The following CADPS2 variants were observed in gnomAD, a reference collection of about 807,000 sequenced individuals.
CADPS2 encodes calcium-dependent secretion activator 2.
Under a neutral mutation model 172.5 loss-of-function variants are expected in CADPS2, and 93 were observed. The observed-to-expected ratio is 0.54, with a 90% CI of 0.46 to 0.64. The LOEUF is 0.64. Ranked by LOEUF, CADPS2 falls within the 30% of genes least tolerant of loss-of-function variation. The pLI is 0.00. For synonymous variants in CADPS2, 546 were observed against 555.2 expected (o/e 0.98, Z 0.23); for missense variants, 1,420 against 1,565.9 (o/e 0.91, Z 1.57).
intron 1 of CADPS2, among the ~76,000 whole-genome samples, chr7:122,841,972 G>A (rs1019951210): frequency 1.3e-5 from 2 of 152,186 alleles, no homozygotes; most frequent in African/African-American, 4.8e-5. Flanking sequence ...GATTTACAAG[G>A]TGTGGGTGAA....
At chr7:122,515,995 A>G (rs534403263) in intron 8 of CADPS2, among the ~76,000 whole-genome samples, 1 of 152,254 alleles carries the variant, frequency 6.6e-6, no homozygotes, top group Non-Finnish European at 1.5e-5. Context: ...AAAATGACAG[A>G]TTAACAAAAT....
At chr7:122,503,685 T>G (rs567927222) in intron 9 of CADPS2, among the ~76,000 whole-genome samples, 1 of 152,306 alleles carries the variant, frequency 6.6e-6, no homozygotes, top group Admixed American at 6.5e-5. Flanking sequence ...TATCTCCCCT[T>G]ATGTTCTTAT....
At chr7:122,694,971 C>T (rs1222802942) in intron 2 of CADPS2, among the ~76,000 whole-genome samples, 5 of 152,206 alleles carry the variant, frequency 3.3e-5, no homozygotes, top group African/African-American at 7.2e-5. Flanking sequence ...CTTCAAAACC[C>T]GTTAAATGTG....
chr7:122,534,684 T>G (rs1183858023), intron 8 of CADPS2, among the ~76,000 whole-genome samples: 4 of 152,062 alleles, frequency 2.6e-5, no homozygotes, highest in Non-Finnish European at 5.9e-5. Context: ...GATGGCAGAT[T>G]AACAGTAATG....
rs776072364 is a variant in CADPS2 at position 122,490,266 on chromosome 7, C to A, written c.1667G>T (p.Cys556Phe). ...TTCTTTAACAGCATTAAAGAACATA[C>A]AACCACCCTGAAGGCCTGTGGAGGA... ...TDPHPGLQGG[C>F]MFFNAVKEGD... The change falls in exon 11 of 30, where the codon TGT becomes TTT. Residue 556 changes from cysteine to phenylalanine, a missense_variant. Coordinates refer to ENST00000449022, the MANE Select transcript of CADPS2 (RefSeq NM_017954.11). 15 of 1,612,818 alleles carry A rather than the reference C, an allele frequency of 9.3e-6. No individual in the cohort carries two copies. Among genetic ancestry groups the A allele is most frequent in the Non-Finnish European group, 1.7e-6 (2 of 1,179,388 alleles).
chr7:122,746,128 T>C (rs1385617389), intron 1 of CADPS2, among the ~76,000 whole-genome samples: 1 of 152,176 alleles, frequency 6.6e-6, no homozygotes, highest in Non-Finnish European at 1.5e-5. Context: ...TGCTTTATAA[T>C]TGCCATGATT....
intron 23 of CADPS2, 134 bp from the exon 24 acceptor site, chr7:122,387,307 G>A: frequency 2.6e-6 from 2 of 775,814 alleles, no homozygotes; most frequent in Non-Finnish European, 4.0e-6. Context: ...GGCAGTGCTT[G>A]GGAGCTAAGG....
chr7:122,334,003 C>T (rs951096065), intron 28 of CADPS2, among the ~76,000 whole-genome samples: 1 of 151,740 alleles, frequency 6.6e-6, no homozygotes. Flanking sequence ...ATTTCCTTAA[C>T]AGAAAAATAA....
chr7:122,416,909 G>A (rs1175643819), intron 17 of CADPS2, among the ~76,000 whole-genome samples: 1 of 152,188 alleles, frequency 6.6e-6, no homozygotes, highest in South Asian at 2.1e-4. Context: ...AGAAATTAAA[G>A]AAGCCCTGTG....
intron 9 of CADPS2, among the ~76,000 whole-genome samples, chr7:122,505,326 G>GT (rs1410095294): frequency 2.0e-5 from 3 of 152,088 alleles, no homozygotes; most frequent in African/African-American, 7.2e-5. Flanking sequence ...TATAAGTATT[G>GT]TATCTCTAGC....
At chr7:122,441,387 C>T in intron 16 of CADPS2, 125 bp downstream of exon 16, 1 of 535,800 alleles carries the variant, frequency 1.9e-6, no homozygotes, top group South Asian at 3.7e-5. Flanking sequence ...AGGTGAGAAA[C>T]TCATGACTTG....
chr7:122,701,464 T>C (rs2086076096), intron 2 of CADPS2, among the ~76,000 whole-genome samples: 1 of 152,060 alleles, frequency 6.6e-6, no homozygotes, highest in African/African-American at 2.4e-5. Context: ...CGGGGAGGGA[T>C]AGCATTTGGA....
chr7:122,702,472 G>A, intron 2 of CADPS2: 1 of 1,613,704 alleles, frequency 6.2e-7, no homozygotes, highest in Non-Finnish European at 8.5e-7. Flanking sequence ...GTTTGGGCCT[G>A]CTGAAATTGG....
chr7:122,385,998 G>A (rs2043613061), intron 24 of CADPS2, among the ~76,000 whole-genome samples: 1 of 151,998 alleles, frequency 6.6e-6, no homozygotes, highest in East Asian at 1.9e-4. Context: ...AATTAATTTG[G>A]TTTTAAATAA....
At chr7:122,797,475 G>A (rs1796626314) in intron 1 of CADPS2, among the ~76,000 whole-genome samples, 1 of 152,128 alleles carries the variant, frequency 6.6e-6, no homozygotes, top group African/African-American at 2.4e-5. Flanking sequence ...GGAATGGATA[G>A]AGAAAATGTG....
intron 8 of CADPS2, among the ~76,000 whole-genome samples, chr7:122,530,434 T>C (rs1271741082): frequency 6.6e-6 from 1 of 151,988 alleles, no homozygotes; most frequent in East Asian, 1.9e-4. Flanking sequence ...AAATATTCTA[T>C]GCCATAGTAT....
chr7:122,735,650 C>G (rs2092099534), intron 2 of CADPS2, among the ~76,000 whole-genome samples: 1 of 152,110 alleles, frequency 6.6e-6, no homozygotes, highest in Non-Finnish European at 1.5e-5. Flanking sequence ...CCCTCATCCC[C>G]CTGCTGATCC....
At chr7:122,791,730 A>T (rs1795333331) in intron 1 of CADPS2, among the ~76,000 whole-genome samples, 1 of 152,210 alleles carries the variant, frequency 6.6e-6, no homozygotes, top group African/African-American at 2.4e-5. Context: ...AATGAACTTG[A>T]TCTAATTATA....
chr7:122,521,158 C>A (rs1335937475), intron 8 of CADPS2, among the ~76,000 whole-genome samples: 1 of 152,092 alleles, frequency 6.6e-6, no homozygotes, highest in Non-Finnish European at 1.5e-5. Context: ...GTTGAAAGAG[C>A]AATTAATGCA....
Sources: gnomAD v4.1 joint callset for allele counts (sites outside exome capture counted in the v4.1 genomes callset) on GRCh38, gnomAD v4.1.1 for gene constraint, MANE v1.5 for transcripts, NCBI Gene and HGNC (gene_info 2026-07-23, HGNC 2026-07-21) for gene names.